Variants in HLCS observed in about 807,000 individuals in gnomAD.
HLCS encodes holocarboxylase synthetase.
Under a neutral mutation model 75.0 loss-of-function variants are expected in HLCS, and 53 were observed. That is an observed-to-expected ratio of 0.71 (90% CI 0.57 to 0.89). The LOEUF is 0.89. Among genes scored for constraint, HLCS ranks in the 40% least tolerant of loss-of-function variants. The probability of loss-of-function intolerance (pLI) is 0.00; values close to 1 mark genes in which losing one functional copy is unlikely to be tolerated. For missense variants in HLCS, 966 were observed against 1,074.0 expected (o/e 0.90, Z 1.41); for synonymous variants, 431 against 428.6 (o/e 1.01, Z -0.07).
At chr21:36,944,897 T>C (rs950804657) in intron 2 of HLCS, among the ~76,000 whole-genome samples, 2 of 151,914 alleles carry the variant, frequency 1.3e-5, no homozygotes, top group South Asian at 4.2e-4. Flanking sequence ...CTGAGGCGGG[T>C]GGATCACGAG....
At chr21:36,771,401 T>C (rs2060203742) in intron 6 of HLCS, among the ~76,000 whole-genome samples, 1 of 152,178 alleles carries the variant, frequency 6.6e-6, no homozygotes, top group Non-Finnish European at 1.5e-5. Flanking sequence ...TAAACATGGT[T>C]TACTTCCTGA....
At chr21:36,878,167 T>A (rs1445725006) in intron 6 of HLCS, among the ~76,000 whole-genome samples, 1 of 152,106 alleles carries the variant, frequency 6.6e-6, no homozygotes, top group Non-Finnish European at 1.5e-5. Flanking sequence ...TTTTTCAAAT[T>A]TTTTTTCCAT....
chr21:36,816,387 C>T (rs2061664499), intron 6 of HLCS, among the ~76,000 whole-genome samples: 1 of 136,280 alleles, frequency 7.3e-6, no homozygotes, highest in Admixed American at 7.0e-5. Flanking sequence ...CAAAGGAAGA[C>T]CCTATCTCAA....
intron 6 of HLCS, among the ~76,000 whole-genome samples, chr21:36,780,214 C>T (rs2060484398): frequency 6.6e-6 from 1 of 152,034 alleles, no homozygotes; most frequent in South Asian, 2.1e-4. Context: ...TGCTGGGGAG[C>T]AGCTGCAAAT....
chr21:36,934,217 T>C (rs1455939326), intron 4 of HLCS, among the ~76,000 whole-genome samples: 1 of 152,136 alleles, frequency 6.6e-6, no homozygotes, highest in Non-Finnish European at 1.5e-5. Context: ...AAATAAGACT[T>C]TTTAGTTGGA....
intron 6 of HLCS, among the ~76,000 whole-genome samples, chr21:36,889,613 G>A (rs887265415): frequency 6.6e-6 from 1 of 152,136 alleles, no homozygotes; most frequent in African/African-American, 2.4e-5. Flanking sequence ...GCAGTGGCTG[G>A]TCCACACCCA....
intron 2 of HLCS, chr21:36,947,819 G>A: frequency 2.0e-6 from 2 of 985,528 alleles, no homozygotes; most frequent in Non-Finnish European, 1.2e-6. Flanking sequence ...CAGCTCTGCA[G>A]TGAGTGGGGA....
intron 6 of HLCS, among the ~76,000 whole-genome samples, chr21:36,880,826 C>G (rs999489808): frequency 7.2e-5 from 11 of 152,286 alleles, no homozygotes; most frequent in African/African-American, 2.6e-4. Context: ...CCCCTTACCC[C>G]TCCCAGAGCA....
intron 2 of HLCS, among the ~76,000 whole-genome samples, chr21:36,953,721 T>A (rs1386383761): frequency 6.6e-6 from 1 of 152,166 alleles, no homozygotes; most frequent in Non-Finnish European, 1.5e-5. Flanking sequence ...ATTGCAATAT[T>A]TTGGAAAGTC....
rs6517390 is a variant in HLCS at position 36,892,682 on chromosome 21, A to G, written c.1892+4178T>C. ...CAGCAGAAACTGCTGGCTGTTCCCC[A>G]CTGTGTCCTTCCCCGTCTTCCTTAG... is the stretch of plus-strand genomic sequence containing the variant. On this transcript the variant is annotated intron_variant, in intron 6 of 10. Coordinates refer to ENST00000674895, the MANE Select transcript of HLCS (RefSeq NM_001352514.2). 2.6e-5 allele frequency among the ~76,000 whole-genome samples: 4 copies of G among 152,200 alleles called. No individual in the cohort carries two copies. The South Asian group carries it at 8.3e-4, about 32-fold the overall frequency.
At chr21:36,859,847 G>A (rs923297915) in intron 6 of HLCS, among the ~76,000 whole-genome samples, 8 of 152,220 alleles carry the variant, frequency 5.3e-5, no homozygotes, top group African/African-American at 1.7e-4. Context: ...TGCTGCTCAG[G>A]TGGGCATTCA....
chr21:36,954,100 G>A (rs2067801435), intron 2 of HLCS, among the ~76,000 whole-genome samples: 1 of 152,088 alleles, frequency 6.6e-6, no homozygotes, highest in Admixed American at 6.5e-5. Flanking sequence ...GAGGTCAAGA[G>A]ATCGAGACCA....
chr21:36,763,503 C>A lies in HLCS; in HGVS notation c.2121+1509G>T, dbSNP rs538700695. On this transcript the variant is annotated intron_variant, in intron 8 of 10. Coordinates refer to ENST00000674895, the MANE Select transcript of HLCS (RefSeq NM_001352514.2). Reference sequence around the variant, plus strand: ...GAAACAGAGACGTCAGCATTAACTACATCTGTGGAATACCAAAAATTCATA... The same window carrying A: ...GAAACAGAGACGTCAGCATTAACTAAATCTGTGGAATACCAAAAATTCATA... Among the ~76,000 whole-genome samples, 6 of 152,334 alleles carry A rather than the reference C, an allele frequency of 3.9e-5. No homozygotes were observed. In the East Asian group the frequency reaches 1.2e-3, roughly 29 times the overall value.
At chr21:36,935,456 G>A (rs1435965950) in intron 4 of HLCS, among the ~76,000 whole-genome samples, 1 of 151,954 alleles carries the variant, frequency 6.6e-6, no homozygotes, top group Non-Finnish European at 1.5e-5. Flanking sequence ...TAGCTTCCAG[G>A]AGAACTGGAA....
chr21:36,787,771 G>A (rs1324074026), intron 6 of HLCS, among the ~76,000 whole-genome samples: 2 of 152,136 alleles, frequency 1.3e-5, no homozygotes, highest in African/African-American at 2.4e-5. Flanking sequence ...ATGACCCTAA[G>A]GAAAGTTAAG....
intron 9 of HLCS, among the ~76,000 whole-genome samples, chr21:36,757,641 C>G (rs2850103): frequency 6.6e-6 from 1 of 152,028 alleles, no homozygotes; most frequent in Non-Finnish European, 1.5e-5. Flanking sequence ...TAACAACAGC[C>G]TTCCCGGCAA....
intron 2 of HLCS, among the ~76,000 whole-genome samples, chr21:36,947,085 C>A (rs2067438253): frequency 6.6e-6 from 1 of 152,282 alleles, no homozygotes; most frequent in Non-Finnish European, 1.5e-5. Context: ...TCAGAGCAAT[C>A]AAAGGAGGAG....
intron 6 of HLCS, among the ~76,000 whole-genome samples, chr21:36,805,084 T>G (rs1281299292): frequency 1.3e-5 from 2 of 152,172 alleles, no homozygotes; most frequent in African/African-American, 2.4e-5. Context: ...GACTTTCCAC[T>G]ACAGCAAGAG....
chr21:36,957,115 T>A (rs1258171930), intron 2 of HLCS, among the ~76,000 whole-genome samples: 1 of 148,222 alleles, frequency 6.7e-6, no homozygotes, highest in Non-Finnish European at 1.5e-5. Flanking sequence ...GTTTGTCCCC[T>A]CCAAATCTCA....
Sources: gnomAD v4.1 joint callset for allele counts (sites outside exome capture counted in the v4.1 genomes callset) on GRCh38, gnomAD v4.1.1 for gene constraint, MANE v1.5 for transcripts, NCBI Gene and HGNC (gene_info 2026-07-23, HGNC 2026-07-21) for gene names.